MAGI1: variants seen among roughly 807,000 people sequenced by gnomAD.
The protein encoded by MAGI1 is membrane-associated guanylate kinase, WW and PDZ domain-containing protein 1.
MAGI1 carries 58 observed loss-of-function variants against 139.9 expected under a neutral mutation model. The ratio of observed to expected loss-of-function variants is 0.41; its 90% CI spans 0.34 to 0.52. The LOEUF (loss-of-function observed/expected upper bound fraction) is 0.52, where lower values mean the gene tolerates loss of function less well. Among genes scored for constraint, MAGI1 ranks in the 20% least tolerant of loss-of-function variants. The probability of loss-of-function intolerance (pLI) is 0.12; values close to 1 mark genes in which losing one functional copy is unlikely to be tolerated. For synonymous variants in MAGI1, 812 were observed against 737.9 expected, an observed-to-expected ratio of 1.10 and a Z score of -1.63; for missense variants, 1,874 against 1,901.6, an observed-to-expected ratio of 0.99 and a Z score of 0.27.
chr3:65,894,019 A>G (rs1009883183), intron 1 of MAGI1: 3 of 152,258 alleles, frequency 2.0e-5, no homozygotes, highest in Non-Finnish European at 4.4e-5. Flanking sequence ...AAGTGTCCCA[A>G]AAGAACCAGG....
At chr3:65,453,236 C>G in intron 6 of MAGI1, 22 bp downstream of exon 6, 1 of 1,612,630 alleles carries the variant, frequency 6.2e-7, no homozygotes, top group Non-Finnish European at 8.5e-7. Context: ...TCACTTAACC[C>G]AAGACCTGCC....
chr3:65,431,219 T>C (rs934931447), intron 10 of MAGI1, among the ~76,000 whole-genome samples: 2 of 152,166 alleles, frequency 1.3e-5, no homozygotes, highest in Non-Finnish European at 2.9e-5. Flanking sequence ...TCACAGAAAA[T>C]GGAACTGGTC....
chr3:65,504,899 T>C (rs912059826), intron 2 of MAGI1, among the ~76,000 whole-genome samples: 9 of 152,214 alleles, frequency 5.9e-5, no homozygotes, highest in African/African-American at 2.2e-4. Context: ...AAACCTCGCA[T>C]TCATTAAAGT....
At chr3:65,395,518 T>C (rs1034246740) in intron 13 of MAGI1, among the ~76,000 whole-genome samples, 2 of 150,864 alleles carry the variant, frequency 1.3e-5, no homozygotes, top group Admixed American at 1.3e-4. Context: ...GGCATGCACC[T>C]GTAATCCCAG....
intron 5 of MAGI1, 67 bp downstream of exon 5, chr3:65,470,216 C>G: frequency 8.8e-7 from 1 of 1,133,564 alleles, no homozygotes; most frequent in Non-Finnish European, 1.3e-6. Context: ...TTGGCAACTG[C>G]TAGACAGAGG....
At chr3:65,562,328 T>C (rs1430089737) in intron 2 of MAGI1, among the ~76,000 whole-genome samples, 1 of 152,218 alleles carries the variant, frequency 6.6e-6, no homozygotes, top group Non-Finnish European at 1.5e-5. Flanking sequence ...TACTGCCAAT[T>C]AAGTTACAGA....
intron 2 of MAGI1, among the ~76,000 whole-genome samples, chr3:65,586,386 T>C (rs1161706576): frequency 6.6e-6 from 1 of 152,134 alleles, no homozygotes; most frequent in African/African-American, 2.4e-5. Context: ...AAGGATTGAC[T>C]ACAAATGGTC....
At chr3:65,873,827 C>T (rs915517077) in intron 1 of MAGI1, 1 of 151,952 alleles carries the variant, frequency 6.6e-6, no homozygotes, top group Admixed American at 6.6e-5. Flanking sequence ...AAAAATGGAC[C>T]ATATACCTAA....
At chr3:65,774,071 C>T (rs1241597464) in intron 1 of MAGI1, among the ~76,000 whole-genome samples, 1 of 149,896 alleles carries the variant, frequency 6.7e-6, no homozygotes, top group Non-Finnish European at 1.5e-5. Context: ...GGCACATGGG[C>T]ATCTGTTTCC....
intron 1 of MAGI1, among the ~76,000 whole-genome samples, chr3:65,624,279 A>G (rs1383494042): frequency 6.6e-6 from 1 of 152,098 alleles, no homozygotes; most frequent in Non-Finnish European, 1.5e-5. Context: ...TTTACATGAC[A>G]GAAATGAAAA....
At chr3:66,019,409 G>A (rs1370433361) in intron 1 of MAGI1, among the ~76,000 whole-genome samples, 2 of 152,118 alleles carry the variant, frequency 1.3e-5, no homozygotes, top group Non-Finnish European at 2.9e-5. Context: ...TTCAGACATT[G>A]CCAAATGTTC....
chr3:66,026,021 GC>G (rs2068241462), intron 1 of MAGI1, among the ~76,000 whole-genome samples: 1 of 151,388 alleles, frequency 6.6e-6, no homozygotes, highest in African/African-American at 2.4e-5. Flanking sequence ...AACACATGCT[GC>G]AACACCGGAG....
At position 65,635,827 on chromosome 3, in the gene MAGI1, G is replaced by A. The variant is rs574002458; in HGVS notation, c.314-13739C>T. Among the ~76,000 whole-genome samples the A allele has an allele frequency of 1.2e-3, 183 of 152,304 alleles. No individual in the cohort carries two copies. The South Asian group carries it at 0.012, about 10-fold the overall frequency. ...AAACTGTATTCTAATATGATCTGACGTCATTCATGCAACAGTTGGCTGGGG... is the reference window on the plus strand; with the variant it reads ...AAACTGTATTCTAATATGATCTGACATCATTCATGCAACAGTTGGCTGGGG... On this transcript the variant is annotated intron_variant, in intron 1 of 22. Coordinates refer to ENST00000402939, the MANE Select transcript of MAGI1 (RefSeq NM_001033057.2).
chr3:65,695,558 CA>C (rs1307376974), intron 1 of MAGI1, among the ~76,000 whole-genome samples: 2 of 152,140 alleles, frequency 1.3e-5, no homozygotes, highest in Non-Finnish European at 1.5e-5. Context: ...TTTTTCTTCC[CA>C]GGACATATGA....
At chr3:65,714,344 G>A (rs1031937725) in intron 1 of MAGI1, among the ~76,000 whole-genome samples, 1 of 151,972 alleles carries the variant, frequency 6.6e-6, no homozygotes, top group African/African-American at 2.4e-5. Flanking sequence ...ACAATCTTGA[G>A]AGATGAGGTA....
chr3:65,586,178 C>G (rs547420308), intron 2 of MAGI1, among the ~76,000 whole-genome samples: 1 of 151,820 alleles, frequency 6.6e-6, no homozygotes, highest in East Asian at 1.9e-4. Flanking sequence ...CCACTGTACT[C>G]TAGCCTGAGC....
chr3:65,420,417 T>C (rs543072424), intron 12 of MAGI1, among the ~76,000 whole-genome samples: 2 of 152,132 alleles, frequency 1.3e-5, no homozygotes, highest in African/African-American at 4.8e-5. Context: ...CCTGTTCACT[T>C]TACCTGCTCT....
intron 1 of MAGI1, among the ~76,000 whole-genome samples, chr3:65,719,354 T>C (rs1417617909): frequency 6.6e-6 from 1 of 151,682 alleles, no homozygotes; most frequent in Non-Finnish European, 1.5e-5. Context: ...TTTTGTAGAA[T>C]GTGGATATTA....
At chr3:65,878,669 A>G (rs1236111270) in intron 1 of MAGI1, among the ~76,000 whole-genome samples, 3 of 152,234 alleles carry the variant, frequency 2.0e-5, no homozygotes, top group African/African-American at 4.8e-5. Context: ...CACACCAGTG[A>G]CAAAATGGAT....
Sources: allele counts gnomAD v4.1 joint callset (sites outside exome capture counted in the v4.1 genomes callset), GRCh38; gene constraint gnomAD v4.1.1; transcripts MANE v1.5; gene names NCBI Gene and HGNC (gene_info 2026-07-23, HGNC 2026-07-21).